SGPL1: variants seen among roughly 807,000 people sequenced by gnomAD.
SGPL1 encodes sphingosine-1-phosphate lyase 1.
SGPL1 carries 37 observed loss-of-function variants against 68.9 expected under a neutral mutation model. The ratio of observed to expected loss-of-function variants is 0.54; its 90% CI spans 0.41 to 0.71. The LOEUF is 0.71. SGPL1 is among the 30% of genes least tolerant of loss of function. The pLI, the probability that SGPL1 is intolerant of heterozygous loss-of-function variation, is 0.00. For synonymous variants in SGPL1, 236 were observed against 248.5 expected, an observed-to-expected ratio of 0.95 and a Z score of 0.47; for missense variants, 551 against 704.6, an observed-to-expected ratio of 0.78 and a Z score of 2.47.
chr10:70,827,211 A>G (rs1009046101), intron 2 of SGPL1, among the ~76,000 whole-genome samples: 6 of 152,238 alleles, frequency 3.9e-5, no homozygotes, highest in South Asian at 2.1e-4. Context: ...TTTTTTGACA[A>G]TCTGGTAAGC....
chr10:70,834,988 C>T (rs976118559), intron 2 of SGPL1, among the ~76,000 whole-genome samples: 3 of 151,710 alleles, frequency 2.0e-5, no homozygotes, highest in African/African-American at 7.3e-5. Context: ...CAGAGTGCCA[C>T]GGTGTGCAGA....
intron 2 of SGPL1, among the ~76,000 whole-genome samples, chr10:70,821,781 G>C (rs996207185): frequency 6.6e-6 from 1 of 152,130 alleles, no homozygotes; most frequent in Non-Finnish European, 1.5e-5. Flanking sequence ...TCATATGGGT[G>C]GGGGAGTGAT....
intron 12 of SGPL1, among the ~76,000 whole-genome samples, chr10:70,873,891 G>A (rs1846340278): frequency 2.0e-5 from 3 of 152,192 alleles, no homozygotes; most frequent in South Asian, 2.1e-4. Flanking sequence ...ACAATTTAAT[G>A]GTTAGGACAG....
chr10:70,821,447 G>A (rs1043057450), intron 2 of SGPL1, among the ~76,000 whole-genome samples: 4 of 152,170 alleles, frequency 2.6e-5, no homozygotes, highest in Non-Finnish European at 5.9e-5. Context: ...ATTCATAGAT[G>A]AATCAAGGTT....
intron 2 of SGPL1, among the ~76,000 whole-genome samples, chr10:70,832,394 A>G (rs1845557049): frequency 6.6e-6 from 1 of 152,164 alleles, no homozygotes; most frequent in Non-Finnish European, 1.5e-5. Flanking sequence ...TAGCAGCATG[A>G]CTGTTGTAGG....
intron 2 of SGPL1, among the ~76,000 whole-genome samples, chr10:70,823,893 A>C (rs1436999715): frequency 6.6e-6 from 1 of 152,180 alleles, no homozygotes; most frequent in East Asian, 1.9e-4. Flanking sequence ...TTATGATTGG[A>C]ATATTGATAT....
intron 2 of SGPL1, among the ~76,000 whole-genome samples, chr10:70,827,153 G>A (rs149726197): frequency 6.6e-6 from 1 of 152,350 alleles, no homozygotes; most frequent in African/African-American, 2.4e-5. Context: ...AACAATATAT[G>A]AGAGTTATTT....
At chr10:70,818,269 C>T (rs111717057) in intron 2 of SGPL1, among the ~76,000 whole-genome samples, 6,313 of 152,222 alleles carry the variant, frequency 0.041, 197 homozygotes, top group Non-Finnish European at 0.062. Context: ...TATAGGTGCA[C>T]ACCACCATGC....
At position 70,815,955 on chromosome 10, in the gene SGPL1, G is replaced by C. The variant is rs1845216807; in HGVS notation, c.-215G>C. On this transcript the variant is annotated 5_prime_UTR_variant, in exon 1 of 15. Coordinates refer to ENST00000373202, the MANE Select transcript of SGPL1 (RefSeq NM_003901.4). ...GCCGGTGCCCCCGGAGCCATTTCCG[G>C]GAGGGGCGAGGCCGGCGGCTGCCGG... 2.0e-5 allele frequency: 3 copies of C among 151,620 alleles called. No homozygotes were observed. The highest frequency in any genetic ancestry group is 6.6e-5 in the Admixed American group (1 of 15,222). 9.4% of individuals were successfully genotyped at this position (151,620 alleles called of 1,614,324 possible).
chr10:70,872,334 G>A (rs1220533034), intron 11 of SGPL1, among the ~76,000 whole-genome samples: 3 of 152,212 alleles, frequency 2.0e-5, no homozygotes, highest in Admixed American at 2.0e-4. Flanking sequence ...GTAGAGGAGT[G>A]TGAGGGTTGG....
intron 3 of SGPL1, among the ~76,000 whole-genome samples, chr10:70,846,753 C>G (rs548209287): frequency 3.4e-4 from 52 of 152,210 alleles, no homozygotes; most frequent in Non-Finnish European, 6.5e-4. Flanking sequence ...TTTAGGTATT[C>G]TTTTTAAAAC....
chr10:70,816,926 C>A (rs766617043), intron 2 of SGPL1, 46 bp downstream of exon 2: 24 of 1,598,076 alleles, frequency 1.5e-5, no homozygotes, highest in Non-Finnish European at 2.0e-5. Context: ...CATTTGTCTC[C>A]GTTTTTTTAG....
rs1195697962 is a variant in SGPL1, at chr10:70,857,635, G to T, written c.431G>T (p.Arg144Ile). The change falls in exon 6 of 15, where the codon AGA becomes ATA. Residue 144 changes from arginine (R) to isoleucine (I), a missense_variant. Transcript: ENST00000373202. The stretch of plus-strand genomic sequence containing the variant: ...GCAGACGCCTTCTGGCAAGAGGGGA[G>T]AGCCTCTGGAACAGTGTACAGTGGG... ...SSMDAFWQEG[R>I]ASGTVYSGEE... The T allele has an allele frequency of 1.2e-6, 2 of 1,613,492 alleles. No homozygotes were observed. Among genetic ancestry groups the T allele is most frequent in the Non-Finnish European group, 1.7e-6 (2 of 1,179,556 alleles).
In SGPL1 at chr10:70,880,980, T is replaced by A. The variant is rs1846485485; in HGVS notation, c.*3645T>A. 1 of 152,106 alleles carries A rather than the reference T, an allele frequency of 6.6e-6. No individual in the cohort carries two copies. Among genetic ancestry groups the A allele is most frequent in the East Asian group, 1.9e-4 (1 of 5,192 alleles). The allele number at this position is 152,106 out of a possible 1,614,324, so 9.4% of individuals were successfully genotyped here. On this transcript the variant is annotated 3_prime_UTR_variant, in exon 15 of 15. Coordinates refer to ENST00000373202, the MANE Select transcript of SGPL1 (RefSeq NM_003901.4). The stretch of plus-strand genomic sequence containing the variant: ...CTCAGTGACACAAGTAATTACTGAG[T>A]CCTAATTTGATAGCCACCAACTGTA...
At chr10:70,847,798 A>G (rs1052546241) in intron 3 of SGPL1, among the ~76,000 whole-genome samples, 4 of 152,202 alleles carry the variant, frequency 2.6e-5, no homozygotes, top group African/African-American at 9.6e-5. Flanking sequence ...GCACTTGCTC[A>G]CTTGCCATGT....
At position 70,878,157 on chromosome 10, in the gene SGPL1, C is replaced by T. The variant is rs1284294207; in HGVS notation, c.*822C>T. 1 of 152,068 alleles carries T rather than the reference C, an allele frequency of 6.6e-6. No individual in the cohort carries two copies. The highest frequency in any genetic ancestry group is 1.5e-5 in the Non-Finnish European group (1 of 68,024). The allele number at this position is 152,068 out of a possible 1,614,324, so 9.4% of individuals were successfully genotyped here. A position where few individuals can be genotyped will look rare whatever the true frequency, so the allele number is the denominator to read the frequency against. ...TCTTAAGAGTAGGTTCATTGTCTGT[C>T]TTAGAGTCACTTCTATTGCAACTCA... On this transcript the variant is annotated 3_prime_UTR_variant, in exon 15 of 15. Coordinates refer to ENST00000373202, the MANE Select transcript of SGPL1 (RefSeq NM_003901.4).
intron 5 of SGPL1, 55 bp from the exon 6 acceptor site, chr10:70,857,558 AC>A: frequency 7.1e-7 from 1 of 1,403,806 alleles, no homozygotes; most frequent in Non-Finnish European, 1.0e-6. Flanking sequence ...CTTTATCAGA[AC>A]CTGTCTTCCC....
intron 7 of SGPL1, among the ~76,000 whole-genome samples, chr10:70,865,776 T>C (rs749905388): frequency 6.6e-6 from 1 of 152,252 alleles, no homozygotes; most frequent in Non-Finnish European, 1.5e-5. Flanking sequence ...TAGAGGTAAC[T>C]TCACATACTA....
Position 70,844,624 on chromosome 10 carries a change from T to C in SGPL1, c.179T>C (p.Val60Ala). The change falls in exon 3 of 15, where the codon GTC (valine) becomes GCC (alanine). Residue 60 changes from valine to alanine, a missense_variant. Coordinates refer to ENST00000373202, the MANE Select transcript of SGPL1 (RefSeq NM_003901.4). ...TLLIVWGYEF[V>A]FQPESLWSRF... ...CTGATAGTCTGGGGATATGAGTTTG[T>C]CTTCCAGCCAGAGAGTAAGTATGCT... 1 of 1,614,040 alleles carries C rather than the reference T, an allele frequency of 6.2e-7. No homozygotes were observed. Among genetic ancestry groups the C allele is most frequent in the African/African-American group, 1.3e-5 (1 of 75,024 alleles).
Sources: gnomAD v4.1 joint callset for allele counts (sites outside exome capture counted in the v4.1 genomes callset) on GRCh38, gnomAD v4.1.1 for gene constraint, MANE v1.5 for transcripts, NCBI Gene and HGNC (gene_info 2026-07-23, HGNC 2026-07-21) for gene names.